The following GNA14 variants were observed in gnomAD, a reference collection of about 807,000 sequenced individuals.
GNA14 encodes the protein guanine nucleotide-binding protein subunit alpha-14.
In GNA14, 50 loss-of-function variants were observed where a neutral mutation model predicts 42.0. That is an observed-to-expected ratio of 1.19 (90% CI 0.95 to 1.51). The LOEUF (loss-of-function observed/expected upper bound fraction) is 1.51. Among genes scored for constraint, GNA14 ranks in the 40% most tolerant of loss-of-function variants. GNA14 has a pLI of 0.00. For synonymous variants in GNA14, 173 were observed against 163.1 expected, an observed-to-expected ratio of 1.06 and a Z score of -0.46; for missense variants, 473 against 446.2, an observed-to-expected ratio of 1.06 and a Z score of -0.54.
rs537227056 is a variant in GNA14, at chr9:77,531,628, CAG to C, written c.125-2377_125-2376del. ...ACACATTGTGAAGCTGATGTGAATG[CAG>C]AGATTATGTAATCACCTCAAGACAG... On this transcript the variant is annotated intron_variant, in intron 1 of 6. Transcript: ENST00000341700. 3.3e-5 allele frequency among the ~76,000 whole-genome samples: 5 copies of C among 152,250 alleles called. No homozygotes were observed. In the South Asian group the frequency reaches 1.0e-3, roughly 32 times the overall value.
At chr9:77,600,756 A>T (rs958386301) in intron 1 of GNA14, among the ~76,000 whole-genome samples, 3 of 139,112 alleles carry the variant, frequency 2.2e-5, no homozygotes, top group Non-Finnish European at 4.5e-5. Flanking sequence ...TGTCTCTACT[A>T]AAAAAAACAA....
chr9:77,591,975 C>A (rs7467744), intron 1 of GNA14, among the ~76,000 whole-genome samples: 1 of 147,608 alleles, frequency 6.8e-6, no homozygotes, highest in South Asian at 2.2e-4. Context: ...AGTGCAGTGG[C>A]GCGATCTCAG....
chr9:77,494,308 T>C (rs1329072186), intron 2 of GNA14, among the ~76,000 whole-genome samples: 1 of 152,234 alleles, frequency 6.6e-6, no homozygotes, highest in African/African-American at 2.4e-5. Context: ...TCAGTAATGA[T>C]TTCATAGTAT....
intron 2 of GNA14, among the ~76,000 whole-genome samples, chr9:77,480,283 G>A (rs1413888043): frequency 1.3e-5 from 2 of 152,116 alleles, no homozygotes; most frequent in African/African-American, 2.4e-5. Flanking sequence ...TTTGTCTAAG[G>A]CCTTTTCTGC....
At chr9:77,451,576 C>A (rs910894119) in intron 2 of GNA14, among the ~76,000 whole-genome samples, 4 of 152,128 alleles carry the variant, frequency 2.6e-5, no homozygotes, top group African/African-American at 9.7e-5. Context: ...CACACATCCT[C>A]AAAATAACCA....
intron 2 of GNA14, among the ~76,000 whole-genome samples, chr9:77,447,628 TG>T (rs1158836094): frequency 1.4e-5 from 2 of 141,534 alleles, no homozygotes; most frequent in Non-Finnish European, 3.1e-5. Flanking sequence ...ATAGTAGGGG[TG>T]GGGAGGACTC....
chr9:77,552,126 CAAAAAA>C (rs34493872), intron 1 of GNA14, among the ~76,000 whole-genome samples: 1,571 of 85,094 alleles, frequency 0.018, 20 homozygotes, highest in African/African-American at 0.06. Flanking sequence ...AACTCCATCT[CAAAAAA>C]AAAAAAAAAA....
At chr9:77,644,715 T>C (rs1824328206) in intron 1 of GNA14, among the ~76,000 whole-genome samples, 2 of 152,150 alleles carry the variant, frequency 1.3e-5, no homozygotes, top group African/African-American at 4.8e-5. Flanking sequence ...CAATTCCTCT[T>C]CCTTCCAGAG....
At chr9:77,632,814 C>T (rs1051969556) in intron 1 of GNA14, among the ~76,000 whole-genome samples, 1 of 152,158 alleles carries the variant, frequency 6.6e-6, no homozygotes, top group Admixed American at 6.5e-5. Flanking sequence ...ACCCCATGCT[C>T]GCTCACACAC....
intron 2 of GNA14, among the ~76,000 whole-genome samples, chr9:77,504,628 C>T (rs1837034566): frequency 7.0e-6 from 1 of 143,392 alleles, no homozygotes. Context: ...GCCATGGACT[C>T]TGTTGAGCCA....
At chr9:77,635,373 T>A (rs193274055) in intron 1 of GNA14, 15 of 152,362 alleles carry the variant, frequency 9.8e-5, no homozygotes, top group Non-Finnish European at 1.9e-4. Flanking sequence ...AAGAAGTAAC[T>A]ATTTTCAAGA....
chr9:77,550,514 G>C (rs1449214976), intron 1 of GNA14, among the ~76,000 whole-genome samples: 1 of 152,134 alleles, frequency 6.6e-6, no homozygotes, highest in Non-Finnish European at 1.5e-5. Flanking sequence ...ATGTCATGTG[G>C]TCACATACAT....
chr9:77,570,096 A>T (rs758075357), intron 1 of GNA14, among the ~76,000 whole-genome samples: 19 of 152,162 alleles, frequency 1.2e-4, no homozygotes, highest in Non-Finnish European at 1.9e-4. Context: ...ACATTTTAGG[A>T]CCAAGAATTG....
chr9:77,540,477 T>C (rs1217344982), intron 1 of GNA14, among the ~76,000 whole-genome samples: 2 of 152,190 alleles, frequency 1.3e-5, no homozygotes, highest in Non-Finnish European at 2.9e-5. Flanking sequence ...TCTAAATGTC[T>C]GTTTGGTCAA....
intron 2 of GNA14, among the ~76,000 whole-genome samples, chr9:77,514,141 G>C (rs1159483233): frequency 6.6e-6 from 1 of 152,094 alleles, no homozygotes; most frequent in Non-Finnish European, 1.5e-5. Flanking sequence ...CAGGCTTTTT[G>C]GTTATCTTGC....
chr9:77,527,014 A>G (rs750450479), intron 2 of GNA14, among the ~76,000 whole-genome samples: 21 of 152,218 alleles, frequency 1.4e-4, no homozygotes, highest in Non-Finnish European at 2.9e-4. Flanking sequence ...GCTGCTGCCA[A>G]CGTAAGCAGA....
At chr9:77,489,555 G>A (rs575325987) in intron 2 of GNA14, among the ~76,000 whole-genome samples, 41 of 152,284 alleles carry the variant, frequency 2.7e-4, no homozygotes, top group African/African-American at 8.9e-4. Flanking sequence ...ATGAAGCCGC[G>A]GACCCTCGTG....
intron 2 of GNA14, among the ~76,000 whole-genome samples, chr9:77,487,923 C>T (rs1273945631): frequency 6.6e-6 from 1 of 152,182 alleles, no homozygotes; most frequent in South Asian, 2.1e-4. Flanking sequence ...GCCAAACATA[C>T]CACGTTGGGC....
chr9:77,577,929 T>C (rs937372616), intron 1 of GNA14, among the ~76,000 whole-genome samples: 7 of 152,036 alleles, frequency 4.6e-5, no homozygotes, highest in African/African-American at 1.7e-4. Context: ...CCACAGACAA[T>C]AGGTCAAGGG....
Sources: gnomAD v4.1 joint callset for allele counts (sites outside exome capture counted in the v4.1 genomes callset) on GRCh38, gnomAD v4.1.1 for gene constraint, MANE v1.5 for transcripts, NCBI Gene and HGNC (gene_info 2026-07-23, HGNC 2026-07-21) for gene names.